RPS6KA1: variants seen among roughly 807,000 people sequenced by gnomAD.
RPS6KA1 encodes ribosomal protein S6 kinase A1.
RPS6KA1 carries 48 observed loss-of-function variants against 91.3 expected under a neutral mutation model. The ratio of observed to expected loss-of-function variants is 0.53; its 90% CI spans 0.42 to 0.67. The LOEUF is 0.67. RPS6KA1 is among the 30% of genes least tolerant of loss of function. The pLI is 0.00. For missense variants in RPS6KA1, 719 were observed against 960.5 expected, an observed-to-expected ratio of 0.75 and a Z score of 3.32; for synonymous variants, 359 against 384.7, an observed-to-expected ratio of 0.93 and a Z score of 0.78.
At chr1:26,545,840 C>G in intron 2 of RPS6KA1, 1 of 1,490,554 alleles carries the variant, frequency 6.7e-7, no homozygotes. Context: ...GTCCCGGCCA[C>G]CACTGCGGCA....
chr1:26,562,613 G>A (rs1240752089), intron 17 of RPS6KA1, among the ~76,000 whole-genome samples: 1 of 152,174 alleles, frequency 6.6e-6, no homozygotes, highest in Non-Finnish European at 1.5e-5. Flanking sequence ...CGGTGAGGTA[G>A]GAAAGTTCAT....
chr1:26,572,463 CGT>C (rs889758043), intron 20 of RPS6KA1, among the ~76,000 whole-genome samples, 170 bp downstream of exon 20: 2 of 151,928 alleles, frequency 1.3e-5, no homozygotes, highest in African/African-American at 4.8e-5. Flanking sequence ...CCACCACCTC[CGT>C]ACCTTGTTGG....
Position 26,554,689 on chromosome 1 carries a change from G to A in RPS6KA1, c.707G>A (p.Arg236His), listed in dbSNP as rs745611576. ...TACATGGCCCCTGAGGTCGTCAACC[G>A]CCAGGGCCACTCCCATAGTGCGGAC... Reference protein sequence around the residue: ...VEYMAPEVVNRQGHSHSADWW... With the variant: ...VEYMAPEVVNHQGHSHSADWW... Residue 236 changes from arginine (R) to histidine (H), a missense_variant, in exon 9 of 22, where the codon CGC (arginine) becomes CAC (histidine). Around this residue, in one of 5 missense-constraint regions of RPS6KA1, gnomAD observed 159 missense variants for 264.5 expected, o/e 0.60. Coordinates refer to ENST00000374168, the MANE Select transcript of RPS6KA1 (RefSeq NM_002953.4). This position sits in a 1 kb window ranked among gnomAD's most constrained non-coding sequence, Gnocchi z 4.6. The A allele has an allele frequency of 1.1e-5, 17 of 1,612,774 alleles. No homozygotes were observed. In the East Asian group the frequency reaches 1.3e-4, roughly 13 times the overall value.
Position 26,551,914 on chromosome 1 carries a change from G to A in RPS6KA1, c.468+191G>A, listed in dbSNP as rs996334957. ...GAGGCCATACGCTGGCAAGGTCTCT[G>A]AGAGTTTCTCCCAAGGAAACTCCAG... On this transcript the variant is annotated intron_variant, in intron 6 of 21. Coordinates refer to ENST00000374168, the MANE Select transcript of RPS6KA1 (RefSeq NM_002953.4). The surrounding 1 kb of genome is among the most constrained non-coding windows in gnomAD (Gnocchi z 4.5). 6.6e-6 allele frequency among the ~76,000 whole-genome samples: 1 copy of A among 152,204 alleles called. No homozygotes were observed. The highest frequency in any genetic ancestry group is 6.5e-5 in the Admixed American group (1 of 15,284).
chr1:26,547,356 A>C lies in RPS6KA1; in HGVS notation c.307+86A>C. 1 of 1,086,302 alleles carries C rather than the reference A, an allele frequency of 9.2e-7. No individual in the cohort carries two copies. Among genetic ancestry groups the C allele is most frequent in the East Asian group, 2.5e-5 (1 of 39,258 alleles). The allele number at this position is 1,086,302 out of a possible 1,614,324, so 67.3% of individuals were successfully genotyped here. A position where few individuals can be genotyped will look rare whatever the true frequency, so the allele number is the denominator to read the frequency against. On this transcript the variant is annotated intron_variant, in intron 4 of 21. Transcript: ENST00000374168. The surrounding 1 kb of genome is among the most constrained non-coding windows in gnomAD (Gnocchi z 4.1). ...TCAAGGGCCTTGGGTCTGGCAAGGG[A>C]GACAGCTCTGTCTTCAGGAGCACCT...
Position 26,554,038 on chromosome 1 carries a change from A to G in RPS6KA1, c.576-176A>G. Reference sequence around the variant, plus strand: ...CAGTTGCTTCAAGGATTAGCAAAAAAGATAGGCAACACCCCTGCGTGGTAC... The same window carrying G: ...CAGTTGCTTCAAGGATTAGCAAAAAGGATAGGCAACACCCCTGCGTGGTAC... On this transcript the variant is annotated intron_variant, in intron 7 of 21. Transcript: ENST00000374168. This position sits in a 1 kb window ranked among gnomAD's most constrained non-coding sequence, Gnocchi z 4.6. 1.7e-6 allele frequency: 1 copy of G among 592,010 alleles called. No individual in the cohort carries two copies. The highest frequency in any genetic ancestry group is 2.5e-5 in the South Asian group (1 of 39,268). The allele number at this position is 592,010 out of a possible 1,614,324, so 36.7% of individuals were successfully genotyped here.
chr1:26,551,907 G>A lies in RPS6KA1; in HGVS notation c.468+184G>A, dbSNP rs1326565846. Among the ~76,000 whole-genome samples, 1 of 152,202 alleles carries A rather than the reference G, an allele frequency of 6.6e-6. No homozygotes were observed. The highest frequency in any genetic ancestry group is 6.5e-5 in the Admixed American group (1 of 15,288). On this transcript the variant is annotated intron_variant, in intron 6 of 21. Transcript: ENST00000374168. This position sits in a 1 kb window ranked among gnomAD's most constrained non-coding sequence, Gnocchi z 4.5. The stretch of plus-strand genomic sequence containing the variant: ...TGGAATGGAGGCCATACGCTGGCAA[G>A]GTCTCTGAGAGTTTCTCCCAAGGAA...
rs369868172 is a variant in RPS6KA1, at chr1:26,557,152, G to A, written c.1084+52G>A. 1.1e-4 allele frequency: 152 copies of A among 1,434,070 alleles called. 1 individual carries two copies. In the African/African-American group the frequency reaches 1.3e-3, roughly 12 times the overall value. 88.8% of individuals were successfully genotyped at this position (1,434,070 alleles called of 1,614,324 possible). The stretch of plus-strand genomic sequence containing the variant: ...CTTGGGCTGGTACAGGAGGGAAGCC[G>A]GGAGTCGGTGGCAGCTTGGGGGGCA... On this transcript the variant is annotated intron_variant, in intron 13 of 21. Coordinates refer to ENST00000374168, the MANE Select transcript of RPS6KA1 (RefSeq NM_002953.4).
chr1:26,530,633 T>G (rs1570413361), intron 1 of RPS6KA1: 1 of 654,208 alleles, frequency 1.5e-6, no homozygotes, highest in Non-Finnish European at 2.2e-6. Flanking sequence ...TGGGGGGACC[T>G]TGGTGCCTGC....
chr1:26,540,091 TG>T lies in RPS6KA1; in HGVS notation c.108+3126del, dbSNP rs2075935715. ...GAAGGCCAGCCACCCTCCTAGTACC[TG>T]GGGCCCTGTGGCTGGGCTCTGTCCC... On this transcript the variant is annotated intron_variant, in intron 2 of 21. Coordinates refer to ENST00000374168, the MANE Select transcript of RPS6KA1 (RefSeq NM_002953.4). This position sits in a 1 kb window ranked among gnomAD's most constrained non-coding sequence, Gnocchi z 4.2. Among the ~76,000 whole-genome samples the T allele has an allele frequency of 6.6e-6, 1 of 152,156 alleles. No homozygotes were observed. Among genetic ancestry groups the T allele is most frequent in the African/African-American group, 2.4e-5 (1 of 41,430 alleles).
Position 26,571,624 on chromosome 1 carries a change from C to T in RPS6KA1, c.1752+14C>T, listed in dbSNP as rs370391445. The T allele has an allele frequency of 2.5e-6, 4 of 1,613,124 alleles. No individual in the cohort carries two copies. Among genetic ancestry groups the T allele is most frequent in the Non-Finnish European group, 3.4e-6 (4 of 1,179,542 alleles). On this transcript the variant is annotated intron_variant, in intron 18 of 21. Transcript: ENST00000374168. The surrounding 1 kb of genome is among the most constrained non-coding windows in gnomAD (Gnocchi z 5.1). Reference sequence around the variant, plus strand: ...GTGGCGCCTGAGGTGAGTGGCCCAGCCTCCTCAGCTGTAAGAGTGAGGGGG... The same window carrying T: ...GTGGCGCCTGAGGTGAGTGGCCCAGTCTCCTCAGCTGTAAGAGTGAGGGGG...
intron 15 of RPS6KA1, 78 bp from the exon 16 acceptor site, chr1:26,560,967 C>T (rs777135704): frequency 1.3e-6 from 2 of 1,594,770 alleles, no homozygotes; most frequent in Non-Finnish European, 1.7e-6. Context: ...TGGCCGAGAC[C>T]TCCTGGCCTG....
At chr1:26,572,859 A>G (rs2076261478) in intron 20 of RPS6KA1, among the ~76,000 whole-genome samples, 1 of 152,176 alleles carries the variant, frequency 6.6e-6, no homozygotes, top group Admixed American at 6.5e-5. Flanking sequence ...CAGCAGGGAA[A>G]CTGAGGCTCA....
chr1:26,546,824 T>A (rs1441351686), intron 2 of RPS6KA1, 43 bp from the exon 3 acceptor site: 1 of 1,538,492 alleles, frequency 6.5e-7, no homozygotes, highest in African/African-American at 1.4e-5. Context: ...TCCTGCTGCC[T>A]GGATGGGGCC....
At chr1:26,569,361 T>G (rs1381818890) in intron 17 of RPS6KA1, among the ~76,000 whole-genome samples, 2 of 152,190 alleles carry the variant, frequency 1.3e-5, no homozygotes, top group Admixed American at 1.3e-4. Flanking sequence ...TGAGCATCCC[T>G]GACCTCTAGG....
At chr1:26,544,561 C>G (rs1444968355) in intron 2 of RPS6KA1, among the ~76,000 whole-genome samples, 1 of 151,642 alleles carries the variant, frequency 6.6e-6, no homozygotes, top group Non-Finnish European at 1.5e-5. Context: ...TGCAGCCTCC[C>G]CCTCCCAGGT....
intron 2 of RPS6KA1, among the ~76,000 whole-genome samples, chr1:26,543,744 C>G (rs2075968494): frequency 6.6e-6 from 1 of 152,162 alleles, no homozygotes; most frequent in Admixed American, 6.5e-5. Context: ...TGACCCCAGG[C>G]CAGGCAGTAA....
chr1:26,549,949 G>A (rs950339796), intron 4 of RPS6KA1, among the ~76,000 whole-genome samples: 2 of 151,602 alleles, frequency 1.3e-5, no homozygotes, highest in African/African-American at 2.4e-5. Flanking sequence ...GTGCAATCTC[G>A]GCTCATCACA....
chr1:26,567,184 G>C (rs1033993722), intron 17 of RPS6KA1, among the ~76,000 whole-genome samples: 5 of 151,670 alleles, frequency 3.3e-5, no homozygotes, highest in African/African-American at 1.2e-4. Flanking sequence ...ACCACACCTG[G>C]CTAATTTTAA....
Sources: allele counts gnomAD v4.1 joint callset (sites outside exome capture counted in the v4.1 genomes callset), GRCh38; gene constraint gnomAD v4.1.1; regional missense constraint gnomAD v4.1.1; non-coding constraint Gnocchi (gnomAD v3.1); transcripts MANE v1.5; gene names NCBI Gene and HGNC (gene_info 2026-07-23, HGNC 2026-07-21).